Variants in DAB1 observed in about 807,000 individuals in gnomAD.
The protein encoded by DAB1 is disabled homolog 1.
DAB1 carries 15 observed loss-of-function variants against 64.6 expected under a neutral mutation model. The observed-to-expected ratio is 0.23, with a 90% CI of 0.16 to 0.36. The LOEUF (loss-of-function observed/expected upper bound fraction) is 0.36, where lower values mean the gene tolerates loss of function less well. DAB1 is among the 10% of genes least tolerant of loss of function. DAB1 has a pLI of 1.00. For synonymous variants in DAB1, 235 were observed against 251.9 expected, an observed-to-expected ratio of 0.93 and a Z score of 0.64; for missense variants, 596 against 706.7, an observed-to-expected ratio of 0.84 and a Z score of 1.78.
intron 7 of DAB1, among the ~76,000 whole-genome samples, chr1:57,474,319 A>T (rs953362809): frequency 1.3e-5 from 2 of 152,196 alleles, no homozygotes; most frequent in Non-Finnish European, 2.9e-5. Flanking sequence ...TGCTAGGAAA[A>T]TGAATGATGC....
intron 2 of DAB1, among the ~76,000 whole-genome samples, chr1:58,507,697 T>C (rs1646011092): frequency 6.6e-6 from 1 of 152,082 alleles, no homozygotes; most frequent in African/African-American, 2.4e-5. Context: ...TGTGTGTGCT[T>C]ATGTGTAAAA....
intron 6 of DAB1, among the ~76,000 whole-genome samples, chr1:57,690,338 C>T (rs892034610): frequency 1.1e-4 from 16 of 152,088 alleles, no homozygotes; most frequent in African/African-American, 3.9e-4. Flanking sequence ...AGAGGAGGGG[C>T]ATGGTGGGGG....
intron 3 of DAB1, among the ~76,000 whole-genome samples, chr1:58,487,261 A>C (rs575682074): frequency 1.3e-5 from 2 of 152,362 alleles, no homozygotes; most frequent in Admixed American, 1.3e-4. Flanking sequence ...ACAGAAGTGA[A>C]GGAAAGAGGA....
intron 5 of DAB1, among the ~76,000 whole-genome samples, chr1:57,945,086 T>A (rs1473866399): frequency 6.6e-6 from 1 of 152,166 alleles, no homozygotes; most frequent in Non-Finnish European, 1.5e-5. Flanking sequence ...ATCACCTTTC[T>A]GACAACTCTG....
chr1:57,190,773 A>T (rs1664057250), intron 2 of DAB1, among the ~76,000 whole-genome samples: 1 of 152,144 alleles, frequency 6.6e-6, no homozygotes, highest in South Asian at 2.1e-4. Context: ...AACTCCATGC[A>T]CTCAGAGTTG....
At chr1:57,560,459 C>T (rs1377456394) in intron 7 of DAB1, among the ~76,000 whole-genome samples, 2 of 152,146 alleles carry the variant, frequency 1.3e-5, no homozygotes, top group Non-Finnish European at 2.9e-5. Context: ...GGTGTGGGGC[C>T]TGTTGAGATA....
At chr1:58,019,421 C>T (rs534471079) in intron 5 of DAB1, among the ~76,000 whole-genome samples, 1 of 152,192 alleles carries the variant, frequency 6.6e-6, no homozygotes, top group African/African-American at 2.4e-5. Flanking sequence ...CATTTTTCAA[C>T]CTCAGAAGCC....
chr1:58,539,330 A>G lies in DAB1; in HGVS notation n.32+7373T>C, dbSNP rs1272591718. 7.7e-6 allele frequency: 6 copies of G among 783,474 alleles called. No individual in the cohort carries two copies. In the African/African-American group the frequency reaches 8.6e-5, roughly 11 times the overall value. 48.5% of individuals were successfully genotyped at this position (783,474 alleles called of 1,614,324 possible). ...GACTACCTGAAACAAAAAAAAAACT[A>G]TAAATATCTGTGGAAAATATTTACT... On this transcript the variant is annotated intron_variant and non_coding_transcript_variant, in intron 1 of 20. Transcript: ENST00000485760.
At chr1:57,427,584 C>A (rs1292548861), upstream of DAB1, among the ~76,000 whole-genome samples, 1 of 152,048 alleles carries the variant, frequency 6.6e-6, no homozygotes, top group African/African-American at 2.4e-5. Flanking sequence ...GCAAAGAAGC[C>A]CATTTTGTGT....
At chr1:57,314,295 A>T (rs1674996816) in intron 1 of DAB1, among the ~76,000 whole-genome samples, 1 of 152,258 alleles carries the variant, frequency 6.6e-6, no homozygotes, top group African/African-American at 2.4e-5. Context: ...CTTGTTATTA[A>T]TTTTTGAAAA....
chr1:58,506,029 T>C (rs771558344), intron 3 of DAB1: 2 of 817,548 alleles, frequency 2.4e-6, no homozygotes, highest in Admixed American at 1.8e-5. Flanking sequence ...ACAGTAAAAA[T>C]AATGTCCCGC....
At chr1:58,449,449 CA>C (rs1645108698) in intron 3 of DAB1, among the ~76,000 whole-genome samples, 1 of 152,172 alleles carries the variant, frequency 6.6e-6, no homozygotes, top group Non-Finnish European at 1.5e-5. Context: ...GAAAACCAAG[CA>C]GATGGAACTT....
chr1:57,023,664 A>T (rs1646693681), intron 10 of DAB1, 25 bp from the exon 11 acceptor site: 1 of 1,459,632 alleles, frequency 6.9e-7, no homozygotes, highest in Non-Finnish European at 9.6e-7. Flanking sequence ...GAGGCAGAGG[A>T]CACATGAGAC....
chr1:57,123,683 G>A (rs1656869579), intron 4 of DAB1, among the ~76,000 whole-genome samples: 1 of 152,088 alleles, frequency 6.6e-6, no homozygotes, highest in East Asian at 1.9e-4. Context: ...TAACAATATG[G>A]TTTTTACTAA....
At chr1:57,800,676 C>T (rs1041539061) in intron 6 of DAB1, among the ~76,000 whole-genome samples, 3 of 152,174 alleles carry the variant, frequency 2.0e-5, no homozygotes, top group African/African-American at 4.8e-5. Context: ...TACATCACAT[C>T]GCATGATTAC....
At chr1:58,529,527 T>G (rs1204828020) in intron 1 of DAB1, among the ~76,000 whole-genome samples, 1 of 152,234 alleles carries the variant, frequency 6.6e-6, no homozygotes, top group East Asian at 1.9e-4. Context: ...CTAGTAAGAC[T>G]TTCCTTTCAG....
intron 5 of DAB1, among the ~76,000 whole-genome samples, chr1:57,905,223 T>G (rs1644533083): frequency 6.6e-6 from 1 of 151,768 alleles, no homozygotes; most frequent in Non-Finnish European, 1.5e-5. Flanking sequence ...GTCCTTGCAT[T>G]AAACCCCTCT....
chr1:57,626,393 T>C (rs563134069), intron 7 of DAB1, among the ~76,000 whole-genome samples: 1 of 152,098 alleles, frequency 6.6e-6, no homozygotes, highest in Non-Finnish European at 1.5e-5. Context: ...CCACAGAGGA[T>C]GGTTGTGGTA....
chr1:58,386,162 C>T (rs969647736), intron 3 of DAB1, among the ~76,000 whole-genome samples: 2 of 152,194 alleles, frequency 1.3e-5, no homozygotes, highest in Non-Finnish European at 2.9e-5. Context: ...GCTCTAATAT[C>T]CTTTCCTCCT....
Sources: gnomAD v4.1 joint callset for allele counts (sites outside exome capture counted in the v4.1 genomes callset) on GRCh38, gnomAD v4.1.1 for gene constraint, MANE v1.5 for transcripts, NCBI Gene and HGNC (gene_info 2026-07-23, HGNC 2026-07-21) for gene names.